ZNF148: variants seen among roughly 807,000 people sequenced by gnomAD.
ZNF148 encodes Beta-Enolase Repressor Factor-1.
A neutral mutation model predicts 67.7 loss-of-function variants in ZNF148; 7 were observed. The ratio of observed to expected loss-of-function variants is 0.10; its 90% CI spans 0.06 to 0.19. The LOEUF is 0.19. ZNF148 is among the 10% of genes least tolerant of loss of function. The probability of loss-of-function intolerance (pLI) is 1.00; values close to 1 mark genes in which losing one functional copy is unlikely to be tolerated. For synonymous variants in ZNF148, 333 were observed against 330.7 expected, an observed-to-expected ratio of 1.01 and a Z score of -0.08; for missense variants, 583 against 947.1, an observed-to-expected ratio of 0.62 and a Z score of 5.05.
intron 7 of ZNF148, among the ~76,000 whole-genome samples, chr3:125,255,365 G>C (rs185957087): frequency 4.4e-4 from 64 of 145,992 alleles, no homozygotes; most frequent in Non-Finnish European, 8.2e-4. Flanking sequence ...TCCTGCCTCA[G>C]CCTCCCAAGT....
chr3:125,255,062 A>G (rs1560116680), intron 7 of ZNF148, among the ~76,000 whole-genome samples: 1 of 152,002 alleles, frequency 6.6e-6, no homozygotes, highest in African/African-American at 2.4e-5. Context: ...TTCCACGACA[A>G]TACTAGGATC....
At chr3:125,335,660 G>C (rs955731318) in intron 1 of ZNF148, among the ~76,000 whole-genome samples, 2 of 152,176 alleles carry the variant, frequency 1.3e-5, no homozygotes, top group African/African-American at 4.8e-5. Flanking sequence ...ACAAATTTCA[G>C]AAGTACTCCT....
At chr3:125,260,064 A>T (rs192866439) in intron 7 of ZNF148, among the ~76,000 whole-genome samples, 2 of 152,324 alleles carry the variant, frequency 1.3e-5, no homozygotes, top group Admixed American at 1.3e-4. Flanking sequence ...TGGAACACAC[A>T]CAACACTTAT....
intron 7 of ZNF148, among the ~76,000 whole-genome samples, chr3:125,247,901 A>G (rs1321450540): frequency 6.6e-6 from 1 of 152,216 alleles, no homozygotes; most frequent in Non-Finnish European, 1.5e-5. Flanking sequence ...AGTATACATG[A>G]AAAATACAAA....
At chr3:125,330,026 C>T (rs895227808) in intron 2 of ZNF148, among the ~76,000 whole-genome samples, 4 of 152,024 alleles carry the variant, frequency 2.6e-5, no homozygotes, top group African/African-American at 7.2e-5. Flanking sequence ...TTCTCTATTG[C>T]CTAAGTGTAT....
chr3:125,269,872 C>CATGTTCCCACTT lies in ZNF148; in HGVS notation c.667+7842_667+7853dup, dbSNP rs536357835. Among the ~76,000 whole-genome samples, 716 of 152,216 alleles carry CATGTTCCCACTT rather than the reference C, an allele frequency of 4.7e-3. 5 individuals carry two copies. The highest frequency in any genetic ancestry group is 0.016 in the African/African-American group (683 of 41,540). On this transcript the variant is annotated intron_variant, in intron 7 of 8. Coordinates refer to ENST00000360647, the MANE Select transcript of ZNF148 (RefSeq NM_021964.3). The stretch of plus-strand genomic sequence containing the variant: ...ATAAAAAACAGAAAACCAAATAACA[C>CATGTTCCCACTT]ATGTTCCCACTTATAAGTGGGCGTT...
chr3:125,297,527 C>T (rs1294320953), intron 4 of ZNF148, among the ~76,000 whole-genome samples: 2 of 148,184 alleles, frequency 1.3e-5, no homozygotes, highest in Non-Finnish European at 2.9e-5. Context: ...TGCATCCAAC[C>T]AGTGGATAAA....
chr3:125,320,029 C>T (rs1940699809), intron 3 of ZNF148, among the ~76,000 whole-genome samples: 1 of 152,182 alleles, frequency 6.6e-6, no homozygotes, highest in South Asian at 2.1e-4. Flanking sequence ...GACACAGAAT[C>T]CCCTTTTCTC....
chr3:125,239,438 A>T (rs1412656732), intron 7 of ZNF148, among the ~76,000 whole-genome samples: 2 of 152,194 alleles, frequency 1.3e-5, no homozygotes, highest in African/African-American at 4.8e-5. Context: ...CACCATCATG[A>T]TCATCAGGGA....
intron 4 of ZNF148, among the ~76,000 whole-genome samples, chr3:125,307,185 G>A (rs1351231935): frequency 1.3e-5 from 2 of 152,022 alleles, no homozygotes; most frequent in African/African-American, 4.8e-5. Context: ...AGGAACGCAA[G>A]AGCTGTTTAA....
intron 7 of ZNF148, among the ~76,000 whole-genome samples, chr3:125,238,757 T>C (rs1024269330): frequency 2.0e-5 from 3 of 152,204 alleles, no homozygotes; most frequent in African/African-American, 7.2e-5. Flanking sequence ...ATTCCATTCC[T>C]AGGTACATAT....
At chr3:125,285,008 A>G (rs1250123007) in intron 5 of ZNF148, among the ~76,000 whole-genome samples, 2 of 152,200 alleles carry the variant, frequency 1.3e-5, no homozygotes, top group Non-Finnish European at 2.9e-5. Flanking sequence ...TGGAATAACA[A>G]CACAGTACTT....
chr3:125,355,520 AAAG>A (rs757817345), intron 1 of ZNF148, among the ~76,000 whole-genome samples: 162 of 152,336 alleles, frequency 1.1e-3, no homozygotes, highest in Non-Finnish European at 1.5e-3. Flanking sequence ...GACAAGGGAA[AAAG>A]AAGAAGACTG....
intron 3 of ZNF148, among the ~76,000 whole-genome samples, chr3:125,318,506 A>G (rs76592654): frequency 2.2e-4 from 29 of 130,098 alleles, no homozygotes; most frequent in African/African-American, 8.4e-4. Context: ...TTTGGAAGGG[A>G]AAAAAAAACT....
At position 125,323,391 on chromosome 3, in the gene ZNF148, T is replaced by C. The variant is rs369246812; in HGVS notation, c.-99A>G. The C allele has an allele frequency of 2.4e-5, 17 of 697,108 alleles. No homozygotes were observed. Among genetic ancestry groups the C allele is most frequent in the Middle Eastern group, 2.3e-4 (1 of 4,364 alleles). The allele number at this position is 697,108 out of a possible 1,614,324, so 43.2% of individuals were successfully genotyped here. A position where few individuals can be genotyped will look rare whatever the true frequency, so the allele number is the denominator to read the frequency against. On this transcript the variant is annotated 5_prime_UTR_variant, in exon 3 of 9. Transcript: ENST00000360647. ...GAAATCATGGTTGAGTTTCTACCTT[T>C]CATAGGCTTCAGAAATCCTCAATAC...
At position 125,369,145 on chromosome 3, in the gene ZNF148, C is replaced by T. The variant is rs1207564539; in HGVS notation, c.-234+5957G>A. 5.4e-5 allele frequency among the ~76,000 whole-genome samples: 8 copies of T among 148,912 alleles called. No homozygotes were observed. In the Admixed American group the frequency reaches 5.4e-4, roughly 10 times the overall value. On this transcript the variant is annotated intron_variant, in intron 1 of 8. Transcript: ENST00000360647. ...GGTGTGCTGGTGTGTGCCTCTAGTC[C>T]CAGCTACTTGGTAGGCTGAGGCACG...
chr3:125,307,053 C>G (rs1050372557), intron 4 of ZNF148, among the ~76,000 whole-genome samples: 1 of 61,548 alleles, frequency 1.6e-5, no homozygotes, highest in Non-Finnish European at 3.3e-5. Context: ...CATAGCTATT[C>G]CAAAAAAAAA....
rs752774076 is a variant in ZNF148 at position 125,233,556 on chromosome 3, T to C, written c.1170A>G (p.Leu390=). Residue 390 remains leucine (L), a synonymous_variant, in exon 9 of 9, where the codon TTA becomes TTG. Transcript: ENST00000360647. This position sits in a 1 kb window ranked among gnomAD's most constrained non-coding sequence, Gnocchi z 5.1. ...TCTTACTATTAATTTTTTTGAGAAC[T>C]AACTTAGGTGGGTGTATTTCTCCTG... The part of the protein sequence containing the change: ...DASGEIHPPK[L]VLKKINSKRS... The C allele has an allele frequency of 1.2e-6, 2 of 1,613,962 alleles. No homozygotes were observed. The highest frequency in any genetic ancestry group is 1.7e-5 in the Admixed American group (1 of 59,936).
At chr3:125,345,693 TACAA>T (rs1941916356) in intron 1 of ZNF148, among the ~76,000 whole-genome samples, 2 of 152,002 alleles carry the variant, frequency 1.3e-5, no homozygotes, top group South Asian at 4.1e-4. Context: ...AAGGGAATAT[TACAA>T]ACAATTTTAT....
Sources: allele counts gnomAD v4.1 joint callset (sites outside exome capture counted in the v4.1 genomes callset), GRCh38; gene constraint gnomAD v4.1.1; non-coding constraint Gnocchi (gnomAD v3.1); transcripts MANE v1.5; gene names NCBI Gene and HGNC (gene_info 2026-07-23, HGNC 2026-07-21).